Variants in MEMO1 observed in about 807,000 individuals in gnomAD.
The protein encoded by MEMO1 is mediator of cell motility 1, also known as protein MEMO1.
MEMO1 carries 6 observed loss-of-function variants against 45.2 expected under a neutral mutation model. The observed-to-expected ratio is 0.13, with a 90% CI of 0.07 to 0.26. MEMO1 has a LOEUF of 0.26. Among genes scored for constraint, MEMO1 ranks in the 10% least tolerant of loss-of-function variants. The pLI, the probability that MEMO1 is intolerant of heterozygous loss-of-function variation, is 1.00. For missense variants in MEMO1, 184 were observed against 370.5 expected (o/e 0.50, Z 4.13); for synonymous variants, 78 against 124.3 (o/e 0.63, Z 2.48).
intron 4 of MEMO1, among the ~76,000 whole-genome samples, chr2:31,922,336 C>T (rs1682441416): frequency 1.4e-5 from 2 of 144,106 alleles, no homozygotes; most frequent in Admixed American, 7.0e-5. Context: ...TTAAGTTGTT[C>T]TGCTATGAAA....
chr2:31,941,066 C>A (rs1334868346), intron 3 of MEMO1, among the ~76,000 whole-genome samples: 1 of 152,198 alleles, frequency 6.6e-6, no homozygotes, highest in Non-Finnish European at 1.5e-5. Flanking sequence ...TAAGTCAGAT[C>A]ATGTCATTCT....
intron 2 of MEMO1, among the ~76,000 whole-genome samples, chr2:31,947,210 T>C (rs1666295597): frequency 6.6e-6 from 1 of 152,190 alleles, no homozygotes; most frequent in South Asian, 2.1e-4. Flanking sequence ...CCTGAATTCA[T>C]CCACCCCACT....
intron 2 of MEMO1, chr2:31,963,089 A>G: frequency 7.2e-7 from 1 of 1,393,172 alleles, no homozygotes; most frequent in Non-Finnish European, 9.5e-7. Flanking sequence ...CTAAGTCTTG[A>G]GTCAACCAAC....
chr2:31,883,076 T>C (rs1675655901), intron 8 of MEMO1, among the ~76,000 whole-genome samples: 1 of 152,172 alleles, frequency 6.6e-6, no homozygotes, highest in African/African-American at 2.4e-5. Context: ...TGGTTATTAC[T>C]GCTTAACAGT....
intron 6 of MEMO1, among the ~76,000 whole-genome samples, chr2:31,909,804 A>G (rs1348243232): frequency 1.3e-5 from 2 of 152,134 alleles, no homozygotes; most frequent in Non-Finnish European, 2.9e-5. Flanking sequence ...TGGGAATAGC[A>G]GAAGGAGAGA....
At chr2:31,948,802 G>C (rs1421036588) in intron 2 of MEMO1, among the ~76,000 whole-genome samples, 1 of 152,178 alleles carries the variant, frequency 6.6e-6, no homozygotes, top group Non-Finnish European at 1.5e-5. Flanking sequence ...GGAAGGCTGA[G>C]GCAGGATTTT....
chr2:31,976,332 C>A (rs1044960094), intron 2 of MEMO1, among the ~76,000 whole-genome samples: 1 of 151,806 alleles, frequency 6.6e-6, no homozygotes. Flanking sequence ...AATCCCAGCA[C>A]TTTGGAAGGC....
chr2:31,931,860 AGG>A (rs1664217975), intron 4 of MEMO1, among the ~76,000 whole-genome samples: 4 of 152,222 alleles, frequency 2.6e-5, no homozygotes, highest in African/African-American at 2.4e-5. Flanking sequence ...GCCAAAGGGA[AGG>A]TAAAAATCAA....
At chr2:32,004,309 C>T (rs1295572957) in intron 2 of MEMO1, among the ~76,000 whole-genome samples, 5 of 151,102 alleles carry the variant, frequency 3.3e-5, no homozygotes, top group Admixed American at 6.6e-5. Flanking sequence ...AACTAGAAGT[C>T]AATATGAAAA....
intron 2 of MEMO1, among the ~76,000 whole-genome samples, chr2:31,953,401 T>C (rs1667060753): frequency 1.3e-5 from 2 of 151,760 alleles, no homozygotes; most frequent in South Asian, 4.1e-4. Flanking sequence ...TTATTTCCTT[T>C]TGAGATTCTC....
At chr2:31,984,236 A>C (rs1189339421) in intron 2 of MEMO1, among the ~76,000 whole-genome samples, 1 of 152,184 alleles carries the variant, frequency 6.6e-6, no homozygotes, top group Non-Finnish European at 1.5e-5. Flanking sequence ...TAACCTCACC[A>C]ACATTAATTT....
intron 6 of MEMO1, among the ~76,000 whole-genome samples, chr2:31,904,106 C>T (rs951805621): frequency 5.9e-5 from 9 of 152,142 alleles, no homozygotes; most frequent in African/African-American, 1.9e-4. Context: ...AATATGGTAG[C>T]CTGTAACTGG....
intron 2 of MEMO1, among the ~76,000 whole-genome samples, chr2:31,998,305 G>A (rs908540754): frequency 7.2e-5 from 11 of 151,800 alleles, no homozygotes; most frequent in Middle Eastern, 3.4e-3. Flanking sequence ...GAGCCACCAA[G>A]CCTGGCCTGA....
chr2:31,952,268 A>G (rs1666925996), intron 2 of MEMO1, among the ~76,000 whole-genome samples: 1 of 152,300 alleles, frequency 6.6e-6, no homozygotes, highest in South Asian at 2.1e-4. Flanking sequence ...TTAAGTATTT[A>G]TTTACATTTT....
At chr2:32,004,920 C>T (rs1481947425) in intron 2 of MEMO1, among the ~76,000 whole-genome samples, 1 of 149,926 alleles carries the variant, frequency 6.7e-6, no homozygotes, top group Non-Finnish European at 1.5e-5. Context: ...CAGTTAGACC[C>T]CGTTTCAAAA....
rs546075717 is a variant in MEMO1 at position 31,962,049 on chromosome 2, C to T, written c.62-18666G>A. Among the ~76,000 whole-genome samples, 6 of 152,074 alleles carry T rather than the reference C, an allele frequency of 3.9e-5. No individual in the cohort carries two copies. The South Asian group carries it at 1.2e-3, about 32-fold the overall frequency. ...AAAATGAAGAGGATAAACTCAATTG[C>T]GTCTGTAATTCAGTTGTTATACTAA... On this transcript the variant is annotated intron_variant, in intron 2 of 9. Coordinates refer to ENST00000404530, the MANE Select transcript of MEMO1 (RefSeq NM_001301833.4).
At chr2:31,915,515 G>A (rs1443627792) in intron 6 of MEMO1, among the ~76,000 whole-genome samples, 1 of 151,814 alleles carries the variant, frequency 6.6e-6, no homozygotes, top group African/African-American at 2.4e-5. Flanking sequence ...GGACATAATA[G>A]GCCTAGAAAC....
intron 2 of MEMO1, among the ~76,000 whole-genome samples, chr2:31,965,201 G>T (rs562541392): frequency 6.7e-6 from 1 of 149,604 alleles, no homozygotes; most frequent in South Asian, 2.1e-4. Context: ...CAACAAGGGC[G>T]AAACTCCATC....
chr2:31,911,788 GCA>G (rs1680605350), intron 6 of MEMO1, among the ~76,000 whole-genome samples: 1 of 152,024 alleles, frequency 6.6e-6, no homozygotes, highest in Non-Finnish European at 1.5e-5. Context: ...CCACAGGTGT[GCA>G]CCACCTCATC....
Sources: allele counts gnomAD v4.1 joint callset (sites outside exome capture counted in the v4.1 genomes callset), GRCh38; gene constraint gnomAD v4.1.1; transcripts MANE v1.5; gene names NCBI Gene and HGNC (gene_info 2026-07-23, HGNC 2026-07-21).